Variants in KCNC1 observed in about 807,000 individuals in gnomAD.
The protein encoded by KCNC1 is voltage-gated potassium channel KCNC1.
KCNC1 carries 8 observed loss-of-function variants against 43.4 expected under a neutral mutation model. The observed-to-expected ratio is 0.18, with a 90% confidence interval of 0.11 to 0.33. The LOEUF (loss-of-function observed/expected upper bound fraction) is 0.33. Among genes scored for constraint, KCNC1 ranks in the 10% least tolerant of loss-of-function variants. KCNC1 has a pLI of 1.00. For missense variants in KCNC1, 420 were observed against 836.0 expected (o/e 0.50, Z 6.14); for synonymous variants, 361 against 360.5 (o/e 1.00, Z -0.01).
rs1451894577 is a variant in KCNC1, at chr11:17,779,584, C to T, written c.1633C>T (p.Pro545Ser). The T allele has an allele frequency of 3.9e-6, 6 of 1,551,504 alleles. No individual in the cohort carries two copies. The African/African-American group carries it at 4.1e-5, about 11-fold the overall frequency. ...TRSGTRERYG[P>S]CFLLSTGEYA... ...CTCGGGCACCCGCGAGAGATACGGA[C>T]CCTGCTTCCTCTTATCAACCGGGGA... is the stretch of plus-strand genomic sequence containing the variant. The change falls in exon 3 of 4, where the codon CCC (proline) becomes TCC (serine). Residue 545 changes from proline (P) to serine (S), a missense_variant. Pro to Ser is a moderately conservative substitution (Grantham distance 74). This residue lies in a region of KCNC1 where 147 missense variants were observed against 176.1 expected (regional missense o/e 0.83). Transcript: ENST00000265969. The surrounding 1 kb of genome is among the most constrained non-coding windows in gnomAD (Gnocchi z 7.2).
At position 17,776,947 on chromosome 11, in the gene KCNC1, C is replaced by T; in HGVS notation, c.1505-2509C>T. 1 of 985,434 alleles carries T rather than the reference C, an allele frequency of 1.0e-6. No homozygotes were observed. The highest frequency in any genetic ancestry group is 1.7e-5 in the African/African-American group (1 of 57,334). 61.0% of individuals were successfully genotyped at this position (985,434 alleles called of 1,614,324 possible). ...ACAGAGCAAGACTTAAGCTTCCCCA[C>T]CCAATCATTAGTCCCTCCTCAAAGG... On this transcript the variant is annotated intron_variant, in intron 2 of 3. Transcript: ENST00000265969. This position sits in a 1 kb window ranked among gnomAD's most constrained non-coding sequence, Gnocchi z 4.4.
intron 1 of KCNC1, among the ~76,000 whole-genome samples, chr11:17,766,670 A>G (rs1849153918): frequency 1.3e-5 from 2 of 152,196 alleles, no homozygotes; most frequent in South Asian, 4.1e-4. Flanking sequence ...GGCTGGCTCC[A>G]GCATTTGGAT....
chr11:17,759,077 A>G (rs1463588867), intron 1 of KCNC1, among the ~76,000 whole-genome samples: 2 of 152,390 alleles, frequency 1.3e-5, no homozygotes, highest in East Asian at 1.9e-4. Flanking sequence ...AGCCACTTTC[A>G]TCAGTGATCT....
In KCNC1 at chr11:17,773,759, G is replaced by A; in HGVS notation, c.1504+1161G>A. 1 of 985,510 alleles carries A rather than the reference G, an allele frequency of 1.0e-6. No individual in the cohort carries two copies. The highest frequency in any genetic ancestry group is 1.2e-6 in the Non-Finnish European group (1 of 829,968). 61.0% of individuals were successfully genotyped at this position (985,510 alleles called of 1,614,324 possible). A position where few individuals can be genotyped will look rare whatever the true frequency, so the allele number is the denominator to read the frequency against. On this transcript the variant is annotated intron_variant, in intron 2 of 3. Coordinates refer to ENST00000265969, the MANE Select transcript of KCNC1 (RefSeq NM_001112741.2). The surrounding 1 kb of genome is among the most constrained non-coding windows in gnomAD (Gnocchi z 4.1). ...CCATGGAATACCATCGACTTATTCTGTGGACACAGGGATTTCAAAGGAACA... is the reference window on the plus strand; with the variant it reads ...CCATGGAATACCATCGACTTATTCTATGGACACAGGGATTTCAAAGGAACA...
In KCNC1 at chr11:17,771,331, C is replaced by G. The variant is rs1268110273; in HGVS notation, c.571-334C>G. 1.3e-5 allele frequency among the ~76,000 whole-genome samples: 2 copies of G among 152,230 alleles called. No individual in the cohort carries two copies. Among genetic ancestry groups the G allele is most frequent in the African/African-American group, 2.4e-5 (1 of 41,456 alleles). Reference sequence around the variant, plus strand: ...GAACACAATGGAAATTTATTTCCCACTCAGGTAACAGTTCAATGTGGGTAT... The same window carrying G: ...GAACACAATGGAAATTTATTTCCCAGTCAGGTAACAGTTCAATGTGGGTAT... On this transcript the variant is annotated intron_variant, in intron 1 of 3. Transcript: ENST00000265969. The surrounding 1 kb of genome is among the most constrained non-coding windows in gnomAD (Gnocchi z 4.7).
chr11:17,764,540 G>A (rs776175530), intron 1 of KCNC1, among the ~76,000 whole-genome samples: 1 of 152,220 alleles, frequency 6.6e-6, no homozygotes, highest in South Asian at 2.1e-4. Context: ...TCCCCCCAGT[G>A]CAGACTTCCC....
chr11:17,778,598 A>C (rs889398008), intron 2 of KCNC1, among the ~76,000 whole-genome samples: 2 of 152,244 alleles, frequency 1.3e-5, no homozygotes, highest in African/African-American at 4.8e-5. Flanking sequence ...GGACCAGAGC[A>C]GACTGAGTGA....
Position 17,771,607 on chromosome 11 carries a change from C to T in KCNC1, c.571-58C>T. 6.7e-7 allele frequency: 1 copy of T among 1,502,882 alleles called. No homozygotes were observed. The highest frequency in any genetic ancestry group is 9.1e-7 in the Non-Finnish European group (1 of 1,101,940). The allele number at this position is 1,502,882 out of a possible 1,614,324, so 93.1% of individuals were successfully genotyped here. ...TGGCCCTGGGACTGGACAGAGGCAACCCAGGCTTCTCCACTCTGGGTGGGC... is the reference window on the plus strand; with the variant it reads ...TGGCCCTGGGACTGGACAGAGGCAATCCAGGCTTCTCCACTCTGGGTGGGC... On this transcript the variant is annotated intron_variant, in intron 1 of 3. Coordinates refer to ENST00000265969, the MANE Select transcript of KCNC1 (RefSeq NM_001112741.2). The surrounding 1 kb of genome is among the most constrained non-coding windows in gnomAD (Gnocchi z 4.7).
At chr11:17,760,482 G>A (rs1548565) in intron 1 of KCNC1, among the ~76,000 whole-genome samples, 342 of 151,814 alleles carry the variant, frequency 2.3e-3, no homozygotes, top group African/African-American at 7.9e-3. Context: ...TCAGTCCACA[G>A]GAGCAGGTGC....
rs1006417799 is a variant in KCNC1, at chr11:17,782,659, C to A, written c.*925C>A. ...ACCTGGCATTGTATGCAATTTAGTA[C>A]TTCAGAGTAAAAACCTGCATGCCCA... On this transcript the variant is annotated 3_prime_UTR_variant, in exon 4 of 4. Transcript: ENST00000265969. 1 of 152,218 alleles carries A rather than the reference C, an allele frequency of 6.6e-6. No homozygotes were observed. Among genetic ancestry groups the A allele is most frequent in the African/African-American group, 2.4e-5 (1 of 41,440 alleles). 9.4% of individuals were successfully genotyped at this position (152,218 alleles called of 1,614,324 possible).
intron 2 of KCNC1, chr11:17,774,978 G>T (rs1849269105): frequency 2.0e-6 from 2 of 985,254 alleles, no homozygotes; most frequent in South Asian, 4.7e-5. Flanking sequence ...TAGGGGCGTT[G>T]TCCCCACCTC....
intron 1 of KCNC1, among the ~76,000 whole-genome samples, chr11:17,760,897 G>A (rs143209497): frequency 3.3e-5 from 5 of 152,344 alleles, no homozygotes; most frequent in South Asian, 4.1e-4. Context: ...GGGAAGCCCC[G>A]GAAGCAGGGC....
intron 1 of KCNC1, among the ~76,000 whole-genome samples, chr11:17,740,946 G>A (rs1848833554): frequency 6.6e-6 from 1 of 152,148 alleles, no homozygotes; most frequent in African/African-American, 2.4e-5. Context: ...CAGGGCTCTT[G>A]GAGTCGTGGC....
chr11:17,773,319 A>C lies in KCNC1; in HGVS notation c.1504+721A>C. ...TTTAGGAACCTGTTGAAGTGACTCT[A>C]GCTTTCACGTTGTCTGTTTGGGTTG... On this transcript the variant is annotated intron_variant, in intron 2 of 3. Transcript: ENST00000265969. This position sits in a 1 kb window ranked among gnomAD's most constrained non-coding sequence, Gnocchi z 4.1. 1.0e-6 allele frequency: 1 copy of C among 985,416 alleles called. No homozygotes were observed. Among genetic ancestry groups the C allele is most frequent in the South Asian group, 4.7e-5 (1 of 21,272 alleles). 61.0% of individuals were successfully genotyped at this position (985,416 alleles called of 1,614,324 possible).
chr11:17,757,297 C>T (rs193113346), intron 1 of KCNC1, among the ~76,000 whole-genome samples: 318 of 152,202 alleles, frequency 2.1e-3, no homozygotes, highest in Non-Finnish European at 3.6e-3. Flanking sequence ...GAAGGAAGCC[C>T]GAGGAAGCCT....
chr11:17,757,256 G>T (rs139823665), intron 1 of KCNC1, among the ~76,000 whole-genome samples: 24 of 152,294 alleles, frequency 1.6e-4, no homozygotes, highest in African/African-American at 5.1e-4. Context: ...TCTGAAGCAG[G>T]TCAGGGGAGA....
At chr11:17,763,543 AGACCCC>A (rs1849102025) in intron 1 of KCNC1, among the ~76,000 whole-genome samples, 2 of 143,972 alleles carry the variant, frequency 1.4e-5, no homozygotes, top group African/African-American at 5.2e-5. Flanking sequence ...ACCCACACAC[AGACCCC>A]CACACCACCC....
At chr11:17,760,678 C>T (rs1849067474) in intron 1 of KCNC1, among the ~76,000 whole-genome samples, 1 of 152,204 alleles carries the variant, frequency 6.6e-6, no homozygotes, top group African/African-American at 2.4e-5. Flanking sequence ...CTCCATGCCA[C>T]CTCGCATGGT....
Position 17,739,922 on chromosome 11 carries a change from A to G in KCNC1, c.570+3350A>G, listed in dbSNP as rs992658771. 2.6e-5 allele frequency among the ~76,000 whole-genome samples: 4 copies of G among 152,064 alleles called. No individual in the cohort carries two copies. The highest frequency in any genetic ancestry group is 5.9e-5 in the Non-Finnish European group (4 of 67,990). The stretch of plus-strand genomic sequence containing the variant: ...AGTGTGTGTGTGCTTGAGGAAGATG[A>G]GATTCCAGAGCTGCTTCCTGCCCAC... On this transcript the variant is annotated intron_variant, in intron 1 of 3. Transcript: ENST00000265969. The surrounding 1 kb of genome is among the most constrained non-coding windows in gnomAD (Gnocchi z 4.2).
Sources: gnomAD v4.1 joint callset for allele counts (sites outside exome capture counted in the v4.1 genomes callset) on GRCh38, gnomAD v4.1.1 for gene constraint, gnomAD v4.1.1 regional missense constraint, Gnocchi (gnomAD v3.1) non-coding constraint, MANE v1.5 for transcripts, NCBI Gene and HGNC (gene_info 2026-07-23, HGNC 2026-07-21) for gene names.